Variants in CABLES1 observed in about 807,000 individuals in gnomAD.
CABLES1 encodes CDK5 and ABL1 enzyme substrate 1.
Under a neutral mutation model 57.8 loss-of-function variants are expected in CABLES1, and 36 were observed. The ratio of observed to expected loss-of-function variants is 0.62; its 90% CI spans 0.48 to 0.82. The LOEUF (loss-of-function observed/expected upper bound fraction) is 0.82, where lower values mean the gene tolerates loss of function less well. CABLES1 is among the 40% of genes least tolerant of loss of function. The pLI is 0.00. For synonymous variants in CABLES1, 374 were observed against 363.0 expected, an observed-to-expected ratio of 1.03 and a Z score of -0.35; for missense variants, 767 against 836.6, an observed-to-expected ratio of 0.92 and a Z score of 1.03.
At chr18:23,200,618 A>T (rs550554527) in intron 3 of CABLES1, among the ~76,000 whole-genome samples, 4 of 152,190 alleles carry the variant, frequency 2.6e-5, no homozygotes, top group African/African-American at 4.8e-5. Flanking sequence ...GATGCTTAGC[A>T]GTTTGAGAAC....
chr18:23,245,538 G>GT (rs1412464083), intron 7 of CABLES1, among the ~76,000 whole-genome samples: 1 of 151,132 alleles, frequency 6.6e-6, no homozygotes, highest in Non-Finnish European at 1.5e-5. Flanking sequence ...AGGTATCAGT[G>GT]TTTCTGCAGT....
At chr18:23,176,676 C>CT (rs1285583904) in intron 1 of CABLES1, among the ~76,000 whole-genome samples, 1 of 152,162 alleles carries the variant, frequency 6.6e-6, no homozygotes, top group Non-Finnish European at 1.5e-5. Flanking sequence ...AGGCATCAGT[C>CT]TTTGTTTCCA....
chr18:23,257,435 G>A lies in CABLES1; in HGVS notation c.*68G>A. ...GGTGGAGCAGCACTTACTTACTACTGGAAATGAAAAAAAGTAGAACTCAGA... is the reference window on the plus strand; with the variant it reads ...GGTGGAGCAGCACTTACTTACTACTAGAAATGAAAAAAAGTAGAACTCAGA... On this transcript the variant is annotated 3_prime_UTR_variant, in exon 10 of 10. Transcript: ENST00000256925. 1.3e-6 allele frequency: 2 copies of A among 1,482,372 alleles called. No homozygotes were observed. The highest frequency in any genetic ancestry group is 9.0e-7 in the Non-Finnish European group (1 of 1,110,422). 91.8% of individuals were successfully genotyped at this position (1,482,372 alleles called of 1,614,324 possible).
chr18:23,199,160 G>A (rs2047305669), intron 3 of CABLES1, among the ~76,000 whole-genome samples: 1 of 152,198 alleles, frequency 6.6e-6, no homozygotes, highest in African/African-American at 2.4e-5. Context: ...TACAAGAATG[G>A]GGTGAGGGAG....
At chr18:23,163,703 G>C (rs1237413920) in intron 1 of CABLES1, among the ~76,000 whole-genome samples, 2 of 152,098 alleles carry the variant, frequency 1.3e-5, no homozygotes, top group Non-Finnish European at 2.9e-5. Flanking sequence ...TGGTGAGCAT[G>C]GATTTATAGT....
intron 1 of CABLES1, among the ~76,000 whole-genome samples, chr18:23,154,577 A>G (rs1356397908): frequency 6.6e-6 from 1 of 152,212 alleles, no homozygotes; most frequent in Non-Finnish European, 1.5e-5. Context: ...TACAGTACCT[A>G]GAACATAGTT....
chr18:23,182,863 G>T (rs756245587), intron 1 of CABLES1, among the ~76,000 whole-genome samples: 19 of 152,204 alleles, frequency 1.2e-4, no homozygotes, highest in Non-Finnish European at 2.6e-4. Context: ...TCACTGGTTG[G>T]CAGGGACAGC....
chr18:23,236,215 C>G (rs775937468), intron 6 of CABLES1, among the ~76,000 whole-genome samples, 164 bp downstream of exon 6: 1 of 152,158 alleles, frequency 6.6e-6, no homozygotes, highest in Admixed American at 6.6e-5. Context: ...CGCAATGAAG[C>G]CGCAGGTGAT....
At chr18:23,176,416 C>T (rs2047123518) in intron 1 of CABLES1, among the ~76,000 whole-genome samples, 1 of 152,172 alleles carries the variant, frequency 6.6e-6, no homozygotes, top group Non-Finnish European at 1.5e-5. Flanking sequence ...TGCTTGCCCG[C>T]CACTTGCCTG....
chr18:23,142,421 C>T (rs1262591326), intron 1 of CABLES1, among the ~76,000 whole-genome samples: 2 of 152,140 alleles, frequency 1.3e-5, no homozygotes, highest in Non-Finnish European at 2.9e-5. Context: ...ACACCAAGGA[C>T]ATGATCTGTA....
intron 4 of CABLES1, among the ~76,000 whole-genome samples, chr18:23,229,569 G>C (rs1026856277): frequency 1.3e-5 from 2 of 152,192 alleles, no homozygotes; most frequent in African/African-American, 2.4e-5. Context: ...GTGCTGGAGA[G>C]TTAGTGCTGG....
chr18:23,157,166 G>A (rs1162445993), intron 1 of CABLES1, among the ~76,000 whole-genome samples: 2 of 152,284 alleles, frequency 1.3e-5, no homozygotes, highest in Non-Finnish European at 2.9e-5. Context: ...AAGGCAGGAG[G>A]ATCACTTGAG....
chr18:23,244,571 A>G (rs962964932), intron 7 of CABLES1, among the ~76,000 whole-genome samples: 3 of 152,230 alleles, frequency 2.0e-5, no homozygotes, highest in Admixed American at 6.5e-5. Context: ...GTCGAGGGCC[A>G]CCGTTGCTTA....
At position 23,232,675 on chromosome 18, in the gene CABLES1, AC is replaced by A. The variant is rs556776413; in HGVS notation, c.1089-1932del. Among the ~76,000 whole-genome samples the A allele has an allele frequency of 7.6e-3, 1,154 of 151,912 alleles. 9 individuals carry two copies. Among genetic ancestry groups the A allele is most frequent in the Middle Eastern group, 0.014 (4 of 294 alleles). On this transcript the variant is annotated intron_variant, in intron 4 of 9. Coordinates refer to ENST00000256925, the MANE Select transcript of CABLES1 (RefSeq NM_001100619.3). ...GACTTTGGTGTCGATTCTGAACGGG[AC>A]TCCAGAGATGTTTTGAGGGTGGCAC... is the stretch of plus-strand genomic sequence containing the variant.
intron 3 of CABLES1, chr18:23,198,184 T>G (rs922754059): frequency 6.6e-6 from 1 of 151,926 alleles, no homozygotes; most frequent in Non-Finnish European, 1.5e-5. Context: ...TGCTTGAGTC[T>G]GGGGGATGGA....
chr18:23,137,510 G>A (rs1202889772), intron 1 of CABLES1, among the ~76,000 whole-genome samples: 3 of 152,126 alleles, frequency 2.0e-5, no homozygotes, highest in Admixed American at 6.6e-5. Context: ...GGTTAATAAG[G>A]CCTCTTGTGA....
At chr18:23,220,501 GT>G (rs1386951433) in intron 4 of CABLES1, among the ~76,000 whole-genome samples, 1 of 152,178 alleles carries the variant, frequency 6.6e-6, no homozygotes, top group Admixed American at 6.5e-5. Context: ...GCCCTGTTGT[GT>G]TTGCTGCTGT....
intron 1 of CABLES1, among the ~76,000 whole-genome samples, chr18:23,154,904 C>T (rs45450594): frequency 0.044 from 6,688 of 152,262 alleles, 197 homozygotes; most frequent in Non-Finnish European, 0.064. Context: ...TAAGAACATA[C>T]GCTGATATTC....
intron 3 of CABLES1, among the ~76,000 whole-genome samples, chr18:23,211,008 A>T (rs1477271029): frequency 6.6e-6 from 1 of 151,960 alleles, no homozygotes; most frequent in African/African-American, 2.4e-5. Flanking sequence ...TATGCGGTAA[A>T]ATAACATGTT....
Sources: allele counts gnomAD v4.1 joint callset (sites outside exome capture counted in the v4.1 genomes callset), GRCh38; gene constraint gnomAD v4.1.1; transcripts MANE v1.5; gene names NCBI Gene and HGNC (gene_info 2026-07-23, HGNC 2026-07-21).